WDR49: variants seen among roughly 807,000 people sequenced by gnomAD.
WDR49 encodes WD repeat domain 49.
A neutral mutation model predicts 119.5 loss-of-function variants in WDR49; 107 were observed. The ratio of observed to expected loss-of-function variants is 0.90; its 90% CI spans 0.77 to 1.05. The LOEUF (loss-of-function observed/expected upper bound fraction) is 1.05, where lower values mean the gene tolerates loss of function less well. Among genes scored for constraint, WDR49 ranks in the 50% least tolerant of loss-of-function variants. The pLI is 0.00. For synonymous variants in WDR49, 425 were observed against 418.8 expected, an observed-to-expected ratio of 1.01 and a Z score of -0.18; for missense variants, 1,240 against 1,220.5, an observed-to-expected ratio of 1.02 and a Z score of -0.24.
At chr3:167,500,592 A>G (rs1237560455) in intron 17 of WDR49, among the ~76,000 whole-genome samples, 1 of 151,980 alleles carries the variant, frequency 6.6e-6, no homozygotes, top group African/African-American at 2.4e-5. Flanking sequence ...GCAGTTTTGG[A>G]AAAGCTCCAG....
intron 6 of WDR49, among the ~76,000 whole-genome samples, chr3:167,603,911 T>C (rs76411883): frequency 0.053 from 8,008 of 152,178 alleles, 676 homozygotes; most frequent in African/African-American, 0.18. Flanking sequence ...TGTGTGTGCA[T>C]GCACTGGTAG....
intron 10 of WDR49, among the ~76,000 whole-genome samples, chr3:167,543,212 C>G (rs1166791388): frequency 6.6e-6 from 1 of 151,884 alleles, no homozygotes; most frequent in South Asian, 2.1e-4. Context: ...ATCAGACATT[C>G]AAAGAATAAT....
intron 8 of WDR49, among the ~76,000 whole-genome samples, chr3:167,561,254 C>T (rs1387044729): frequency 1.3e-5 from 2 of 152,144 alleles, no homozygotes; most frequent in African/African-American, 4.8e-5. Context: ...ACTTGCATAA[C>T]ATCCAGGCTC....
intron 10 of WDR49, among the ~76,000 whole-genome samples, chr3:167,538,400 T>C (rs1711586085): frequency 6.6e-6 from 1 of 152,176 alleles, no homozygotes; most frequent in Non-Finnish European, 1.5e-5. Context: ...ACTTAGATTA[T>C]ATCTCTGCAA....
intron 16 of WDR49, among the ~76,000 whole-genome samples, chr3:167,510,545 CT>C (rs993572311): frequency 6.6e-6 from 1 of 151,856 alleles, no homozygotes; most frequent in Non-Finnish European, 1.5e-5. Context: ...AGAATTAGGC[CT>C]TTCTATTAAT....
chr3:167,503,571 C>A (rs2108212198), intron 17 of WDR49, among the ~76,000 whole-genome samples: 1 of 152,298 alleles, frequency 6.6e-6, no homozygotes, highest in South Asian at 2.1e-4. Context: ...TAGGACGAAC[C>A]AGGGCACTTA....
At chr3:167,521,400 T>C (rs928266856) in intron 16 of WDR49, among the ~76,000 whole-genome samples, 4 of 152,144 alleles carry the variant, frequency 2.6e-5, no homozygotes, top group African/African-American at 9.7e-5. Context: ...AGAACAGCAA[T>C]GCTACCTTTT....
intron 18 of WDR49, among the ~76,000 whole-genome samples, chr3:167,488,141 C>G (rs1230880827): frequency 2.6e-5 from 3 of 115,168 alleles, no homozygotes; most frequent in African/African-American, 1.2e-4. Flanking sequence ...ATGTGATACA[C>G]TCAAACACAC....
upstream of WDR49, among the ~76,000 whole-genome samples, chr3:167,654,930 G>T (rs1718548383): frequency 1.3e-5 from 2 of 151,560 alleles, no homozygotes; most frequent in Admixed American, 1.3e-4. Flanking sequence ...CAAAGAAAAT[G>T]CCAAAGGTCA....
intron 2 of WDR49, 108 bp from the exon 3 acceptor site, chr3:167,627,400 A>C (rs1480057744): frequency 9.6e-7 from 1 of 1,043,932 alleles, no homozygotes; most frequent in Non-Finnish European, 1.2e-6. Flanking sequence ...TTCTGCCAAC[A>C]TGAAAAGAAA....
In WDR49 at chr3:167,554,740, A is replaced by T. The variant is rs1712822193; in HGVS notation, c.1733T>A (p.Val578Glu). ...HTLNVGQDGA[V>E]DISQILILKK... ...AAGAATGAGGATTTGTGAAATATCCACAGCTCCATCTTGCCCAACATTTAG... is the reference window on the plus strand; with the variant it reads ...AAGAATGAGGATTTGTGAAATATCCTCAGCTCCATCTTGCCCAACATTTAG... Residue 578 changes from valine to glutamate, a missense_variant, in exon 10 of 19, where the codon GTG (valine) becomes GAG (glutamate). Coordinates refer to ENST00000682715, the MANE Select transcript of WDR49 (RefSeq NM_001366157.1). 1.2e-6 allele frequency: 2 copies of T among 1,613,682 alleles called. No homozygotes were observed. Among genetic ancestry groups the T allele is most frequent in the African/African-American group, 2.7e-5 (2 of 75,024 alleles).
chr3:167,644,877 C>T (rs564532895), intron 2 of WDR49, among the ~76,000 whole-genome samples: 26 of 152,128 alleles, frequency 1.7e-4, no homozygotes, highest in Admixed American at 7.9e-4. Flanking sequence ...ATAAAAAGAA[C>T]GTCTTCTTTC....
chr3:167,485,506 G>A (rs549446782), intron 18 of WDR49, among the ~76,000 whole-genome samples: 1 of 151,960 alleles, frequency 6.6e-6, no homozygotes, highest in Non-Finnish European at 1.5e-5. Flanking sequence ...CCAATGCAAG[G>A]AACCCAAGGA....
At chr3:167,653,240 G>A in intron 2 of WDR49, 21 bp downstream of exon 2, 1 of 1,535,742 alleles carries the variant, frequency 6.5e-7, no homozygotes, top group South Asian at 1.2e-5. Context: ...AAACTATCTG[G>A]TCAATAAGCT....
intron 13 of WDR49, among the ~76,000 whole-genome samples, chr3:167,529,745 C>T (rs1199179968): frequency 5.9e-5 from 9 of 152,096 alleles, no homozygotes; most frequent in Non-Finnish European, 8.8e-5. Context: ...TATGAGCTTT[C>T]TTTAAATGTT....
chr3:167,621,814 G>A (rs532422881), intron 3 of WDR49, among the ~76,000 whole-genome samples, 171 bp from the exon 4 acceptor site: 1 of 152,210 alleles, frequency 6.6e-6, no homozygotes, highest in Non-Finnish European at 1.5e-5. Context: ...TCCTAACTGT[G>A]GAATCTAGCC....
chr3:167,600,469 C>A (rs976685524), intron 7 of WDR49, among the ~76,000 whole-genome samples: 3 of 152,146 alleles, frequency 2.0e-5, no homozygotes, highest in African/African-American at 7.2e-5. Context: ...TGAGTGCTCA[C>A]CTGATTTTTT....
intron 10 of WDR49, among the ~76,000 whole-genome samples, chr3:167,547,502 A>C (rs1354555002): frequency 6.6e-6 from 1 of 151,822 alleles, no homozygotes; most frequent in Non-Finnish European, 1.5e-5. Flanking sequence ...TCTCATTAAG[A>C]TCATGACCAA....
At position 167,505,415 on chromosome 3, in the gene WDR49, C is replaced by T. The variant is rs780854574; in HGVS notation, c.2776G>A (p.Val926Ile). 2.6e-6 allele frequency: 4 copies of T among 1,511,488 alleles called. No homozygotes were observed. In the East Asian group the frequency reaches 1.0e-4, roughly 38 times the overall value. The allele number at this position is 1,511,488 out of a possible 1,614,324, so 93.6% of individuals were successfully genotyped here. A position where few individuals can be genotyped will look rare whatever the true frequency, so the allele number is the denominator to read the frequency against. Residue 926 changes from valine (V) to isoleucine (I), a missense_variant and splice_region_variant, in exon 17 of 19, where the codon GTC becomes ATC. Transcript: ENST00000682715. ...KKNKDDSTYN[V>I]RPSEDINLDI... ...AAATTTATATCTTCTGATGGTCTGACACTGGAAGAAAATATTTCATGATGA... is the reference window on the plus strand; with the variant it reads ...AAATTTATATCTTCTGATGGTCTGATACTGGAAGAAAATATTTCATGATGA...
Sources: gnomAD v4.1 joint callset for allele counts (sites outside exome capture counted in the v4.1 genomes callset) on GRCh38, gnomAD v4.1.1 for gene constraint, MANE v1.5 for transcripts, NCBI Gene and HGNC (gene_info 2026-07-23, HGNC 2026-07-21) for gene names.